NRXN3: variants seen among roughly 807,000 people sequenced by gnomAD.
NRXN3 encodes the protein neurexin 3.
Under a neutral mutation model 137.6 loss-of-function variants are expected in NRXN3, and 32 were observed. The ratio of observed to expected loss-of-function variants is 0.23; its 90% confidence interval spans 0.18 to 0.31. The LOEUF (loss-of-function observed/expected upper bound fraction) is 0.31, where lower values mean the gene tolerates loss of function less well. Ranked by LOEUF, NRXN3 falls within the 10% of genes least tolerant of loss-of-function variation. NRXN3 has a pLI of 1.00. For missense variants in NRXN3, 1,574 were observed against 2,062.5 expected, an observed-to-expected ratio of 0.76 and a Z score of 4.59; for synonymous variants, 798 against 784.5, an observed-to-expected ratio of 1.02 and a Z score of -0.29.
chr14:78,626,306 C>A (rs1419803235), intron 4 of NRXN3, among the ~76,000 whole-genome samples: 1 of 152,148 alleles, frequency 6.6e-6, no homozygotes, highest in African/African-American at 2.4e-5. Flanking sequence ...TAAAAAGGCA[C>A]CTGTGTCAAT....
chr14:79,088,988 A>G (rs1459007620), intron 15 of NRXN3, among the ~76,000 whole-genome samples: 2 of 152,126 alleles, frequency 1.3e-5, no homozygotes, highest in African/African-American at 2.4e-5. Context: ...CCAACCCCCA[A>G]AGACATGGTT....
chr14:79,809,532 A>G lies in NRXN3; in HGVS notation c.4093+4342A>G, dbSNP rs141442541. Among the ~76,000 whole-genome samples the G allele has an allele frequency of 1.4e-4, 21 of 152,342 alleles. No individual in the cohort carries two copies. In the East Asian group the frequency reaches 4.1e-3, roughly 29 times the overall value. The stretch of plus-strand genomic sequence containing the variant: ...AGATTATTTTATAAGTCACAGATAC[A>G]ATCACATTTTCTGAATATTTGCTTC... On this transcript the variant is annotated intron_variant, in intron 20 of 20. Transcript: ENST00000335750.
chr14:79,160,797 A>T (rs762549932), intron 15 of NRXN3, among the ~76,000 whole-genome samples: 3 of 152,078 alleles, frequency 2.0e-5, no homozygotes, highest in East Asian at 1.9e-4. Flanking sequence ...ACATGGTGGT[A>T]GGCTGTTGCC....
intron 17 of NRXN3, among the ~76,000 whole-genome samples, chr14:79,677,769 C>T (rs2098648459): frequency 6.6e-6 from 1 of 152,156 alleles, no homozygotes; most frequent in Non-Finnish European, 1.5e-5. Flanking sequence ...AACACATTAA[C>T]TGAAAGTCCT....
At chr14:79,819,871 G>A (rs755914797) in intron 20 of NRXN3, among the ~76,000 whole-genome samples, 2 of 151,940 alleles carry the variant, frequency 1.3e-5, no homozygotes, top group South Asian at 4.2e-4. Flanking sequence ...ACTAAACCAG[G>A]GTCATCTCCA....
intron 10 of NRXN3, among the ~76,000 whole-genome samples, chr14:78,828,619 C>A (rs2098973512): frequency 6.6e-6 from 1 of 152,132 alleles, no homozygotes; most frequent in African/African-American, 2.4e-5. Flanking sequence ...GTTTGCTAAT[C>A]CCTGTTCTAG....
intron 4 of NRXN3, among the ~76,000 whole-genome samples, chr14:78,464,833 A>AG (rs2095049231): frequency 6.6e-6 from 1 of 152,202 alleles, no homozygotes; most frequent in Admixed American, 6.5e-5. Context: ...ATGAGAGTTT[A>AG]GGGCCATATA....
intron 15 of NRXN3, among the ~76,000 whole-genome samples, chr14:79,325,892 A>G (rs1186854303): frequency 6.6e-6 from 1 of 152,150 alleles, no homozygotes; most frequent in Admixed American, 6.6e-5. Context: ...TTTGAGATAT[A>G]TAGTAGCTCT....
At chr14:78,804,579 C>T (rs1043852400) in intron 9 of NRXN3, among the ~76,000 whole-genome samples, 7 of 152,124 alleles carry the variant, frequency 4.6e-5, no homozygotes, top group Admixed American at 3.9e-4. Context: ...TCTATTTTAC[C>T]TCAGAGTTGA....
At chr14:79,723,521 T>A (rs966769309) in intron 19 of NRXN3, among the ~76,000 whole-genome samples, 6 of 152,158 alleles carry the variant, frequency 3.9e-5, no homozygotes, top group Admixed American at 3.3e-4. Flanking sequence ...GTGCTATTAA[T>A]AACCTGAGCA....
At chr14:79,363,459 G>A (rs1311516276) in intron 15 of NRXN3, among the ~76,000 whole-genome samples, 1 of 152,100 alleles carries the variant, frequency 6.6e-6, no homozygotes, top group Non-Finnish European at 1.5e-5. Flanking sequence ...TTAGTGTTAT[G>A]CTCCATGGAG....
chr14:78,742,399 T>C lies in NRXN3; in HGVS notation c.2044+27260T>C, dbSNP rs906420702. On this transcript the variant is annotated intron_variant, in intron 8 of 20. Transcript: ENST00000335750. ...CCCTAAATAATAATAATGAGGAAAT[T>C]CTATTAAGAACTATTTCAGAAGCTA... is the stretch of plus-strand genomic sequence containing the variant. Among the ~76,000 whole-genome samples the C allele has an allele frequency of 9.2e-4, 140 of 152,320 alleles. 1 individual carries two copies. The highest frequency in any genetic ancestry group is 8.4e-4 in the Non-Finnish European group (57 of 68,032).
intron 2 of NRXN3, among the ~76,000 whole-genome samples, chr14:78,271,736 C>G (rs917799146): frequency 6.6e-6 from 1 of 152,206 alleles, no homozygotes; most frequent in Non-Finnish European, 1.5e-5. Flanking sequence ...GATGCTCCAT[C>G]TTGCAATCTG....
chr14:79,435,010 G>T (rs1391544945), intron 15 of NRXN3, among the ~76,000 whole-genome samples: 1 of 152,164 alleles, frequency 6.6e-6, no homozygotes, highest in East Asian at 1.9e-4. Context: ...TGGAGGATGA[G>T]CACCCTAATC....
intron 15 of NRXN3, among the ~76,000 whole-genome samples, chr14:79,453,515 A>G (rs988745971): frequency 6.6e-6 from 1 of 152,198 alleles, no homozygotes; most frequent in African/African-American, 2.4e-5. Context: ...ATCGATTTAC[A>G]TAGTCTTGCA....
At chr14:78,894,540 C>T (rs544073754) in intron 10 of NRXN3, among the ~76,000 whole-genome samples, 14 of 152,006 alleles carry the variant, frequency 9.2e-5, no homozygotes, top group Admixed American at 2.6e-4. Context: ...AACCCTTCAG[C>T]CATCCATGAA....
chr14:78,962,921 C>G (rs994674582), intron 11 of NRXN3, among the ~76,000 whole-genome samples: 1 of 152,026 alleles, frequency 6.6e-6, no homozygotes, highest in Non-Finnish European at 1.5e-5. Context: ...ACCATGTTAG[C>G]CAGGATGGTC....
intron 17 of NRXN3, among the ~76,000 whole-genome samples, chr14:79,674,527 T>G (rs1054761932): frequency 2.6e-5 from 4 of 152,030 alleles, no homozygotes; most frequent in Non-Finnish European, 4.4e-5. Context: ...GGGTCAACTC[T>G]GAGATTCCAC....
intron 15 of NRXN3, among the ~76,000 whole-genome samples, chr14:79,394,207 A>G (rs2094945141): frequency 6.6e-6 from 1 of 152,216 alleles, no homozygotes; most frequent in South Asian, 2.1e-4. Flanking sequence ...AGGATGTAGG[A>G]AGAACACACA....
Sources: allele counts gnomAD v4.1 joint callset (sites outside exome capture counted in the v4.1 genomes callset), GRCh38; gene constraint gnomAD v4.1.1; transcripts MANE v1.5; gene names NCBI Gene and HGNC (gene_info 2026-07-23, HGNC 2026-07-21).